The following MSI2 variants were observed in gnomAD, a reference collection of about 807,000 sequenced individuals.
The protein encoded by MSI2 is musashi RNA binding protein 2.
In MSI2, 17 loss-of-function variants were observed where a neutral mutation model predicts 45.6. The observed-to-expected ratio is 0.37, with a 90% CI of 0.26 to 0.56. The LOEUF is 0.56. Among genes scored for constraint, MSI2 ranks in the 20% least tolerant of loss-of-function variants. MSI2 has a pLI of 0.77. For missense variants in MSI2, 293 were observed against 444.2 expected (o/e 0.66, Z 3.06); for synonymous variants, 156 against 158.2 (o/e 0.99, Z 0.11).
chr17:57,391,272 C>T (rs149473369), intron 5 of MSI2, among the ~76,000 whole-genome samples: 2 of 152,276 alleles, frequency 1.3e-5, no homozygotes, highest in East Asian at 3.9e-4. Context: ...GGAGACAGAA[C>T]CCTTGTGTGG....
At chr17:57,297,163 A>G (rs919005299) in intron 5 of MSI2, among the ~76,000 whole-genome samples, 7 of 147,656 alleles carry the variant, frequency 4.7e-5, no homozygotes, top group African/African-American at 1.7e-4. Flanking sequence ...GTGAGCCACC[A>G]CCATGCTGGG....
At chr17:57,351,803 C>T (rs567012764) in intron 5 of MSI2, among the ~76,000 whole-genome samples, 1 of 152,154 alleles carries the variant, frequency 6.6e-6, no homozygotes, top group Non-Finnish European at 1.5e-5. Flanking sequence ...TGCAATGAGC[C>T]GAGATCGTGC....
intron 5 of MSI2, among the ~76,000 whole-genome samples, chr17:57,390,853 C>G (rs1236331374): frequency 2.0e-5 from 3 of 152,118 alleles, no homozygotes; most frequent in Non-Finnish European, 4.4e-5. Flanking sequence ...GTGGTGTATC[C>G]GAGGGTCTGT....
chr17:57,491,703 T>A (rs965703837), intron 6 of MSI2, among the ~76,000 whole-genome samples: 3 of 152,122 alleles, frequency 2.0e-5, no homozygotes, highest in African/African-American at 7.2e-5. Flanking sequence ...TCAGGAATCA[T>A]TGCGCCTTCC....
intron 5 of MSI2, among the ~76,000 whole-genome samples, chr17:57,298,914 G>T (rs1266633292): frequency 6.6e-6 from 1 of 152,194 alleles, no homozygotes; most frequent in Admixed American, 6.5e-5. Context: ...TCCAATAAAA[G>T]ACTTTTGTAT....
intron 6 of MSI2, among the ~76,000 whole-genome samples, chr17:57,457,551 A>C (rs1174362610): frequency 6.6e-6 from 1 of 152,052 alleles, no homozygotes; most frequent in Non-Finnish European, 1.5e-5. Flanking sequence ...CTCCTAGAAG[A>C]CCCTATGTCT....
intron 7 of MSI2, among the ~76,000 whole-genome samples, chr17:57,561,147 G>C (rs1229524716): frequency 6.6e-6 from 1 of 152,192 alleles, no homozygotes; most frequent in Non-Finnish European, 1.5e-5. Context: ...GAGCAATCAT[G>C]AAGAGACCTC....
intron 6 of MSI2, among the ~76,000 whole-genome samples, chr17:57,467,898 C>T (rs1182723992): frequency 7.6e-6 from 1 of 131,486 alleles, no homozygotes; most frequent in Non-Finnish European, 1.6e-5. Flanking sequence ...GGGACCTGCA[C>T]ACTGACAGTC....
At chr17:57,481,959 C>T (rs2085656282) in intron 6 of MSI2, among the ~76,000 whole-genome samples, 1 of 152,198 alleles carries the variant, frequency 6.6e-6, no homozygotes, top group Admixed American at 6.5e-5. Flanking sequence ...TAACAGTTCA[C>T]TCTTTGTTGA....
At chr17:57,590,348 C>G (rs1360971527) in intron 7 of MSI2, among the ~76,000 whole-genome samples, 1 of 152,156 alleles carries the variant, frequency 6.6e-6, no homozygotes, top group African/African-American at 2.4e-5. Flanking sequence ...TGTCGATGTT[C>G]CTCAGTGACT....
intron 7 of MSI2, among the ~76,000 whole-genome samples, chr17:57,593,837 G>T (rs966998404): frequency 6.6e-6 from 1 of 152,056 alleles, no homozygotes; most frequent in Non-Finnish European, 1.5e-5. Context: ...GACCCAGAGT[G>T]CCCCACAGGC....
At chr17:57,575,727 C>T (rs951214367) in intron 7 of MSI2, among the ~76,000 whole-genome samples, 2 of 151,820 alleles carry the variant, frequency 1.3e-5, no homozygotes, top group Admixed American at 6.6e-5. Context: ...GGGTGGATCA[C>T]GAGGTCAGGA....
intron 12 of MSI2, among the ~76,000 whole-genome samples, chr17:57,676,354 A>G (rs1052722056): frequency 1.3e-5 from 2 of 152,188 alleles, no homozygotes; most frequent in East Asian, 1.9e-4. Context: ...CTCCGCTCCC[A>G]AGCCAGTATC....
At chr17:57,626,536 C>T (rs1203203230) in intron 9 of MSI2, 1 of 152,304 alleles carries the variant, frequency 6.6e-6, no homozygotes, top group African/African-American at 2.4e-5. Flanking sequence ...CACCCCCTAG[C>T]TTGCCTGCTG....
At chr17:57,373,673 A>G (rs1415160846) in intron 5 of MSI2, among the ~76,000 whole-genome samples, 1 of 152,084 alleles carries the variant, frequency 6.6e-6, no homozygotes, top group Non-Finnish European at 1.5e-5. Context: ...GTCCCCACCA[A>G]ATTGGGAAGA....
At chr17:57,664,484 C>T (rs893787822) in intron 11 of MSI2, among the ~76,000 whole-genome samples, 1 of 151,934 alleles carries the variant, frequency 6.6e-6, no homozygotes, top group Non-Finnish European at 1.5e-5. Context: ...CGCCACTGCA[C>T]TCCAGCCTGG....
At chr17:57,549,068 TCTCA>T (rs1567892803) in intron 7 of MSI2, among the ~76,000 whole-genome samples, 1 of 152,244 alleles carries the variant, frequency 6.6e-6, no homozygotes, top group Non-Finnish European at 1.5e-5. Context: ...AAAGGCTTGG[TCTCA>T]CTATGTTGCC....
chr17:57,344,015 C>T (rs905196388), intron 5 of MSI2, among the ~76,000 whole-genome samples: 3 of 152,206 alleles, frequency 2.0e-5, no homozygotes, highest in African/African-American at 7.2e-5. Context: ...GATTTCTCCA[C>T]TGTATAGTTA....
chr17:57,311,176 G>C (rs1912371500), intron 5 of MSI2, among the ~76,000 whole-genome samples: 2 of 152,222 alleles, frequency 1.3e-5, no homozygotes, highest in African/African-American at 2.4e-5. Context: ...GTGCCTGGGA[G>C]TTTTTGGCAC....
Sources: gnomAD v4.1 joint callset for allele counts (sites outside exome capture counted in the v4.1 genomes callset) on GRCh38, gnomAD v4.1.1 for gene constraint, MANE v1.5 for transcripts, NCBI Gene and HGNC (gene_info 2026-07-23, HGNC 2026-07-21) for gene names.